The following WWP1 variants were observed in gnomAD, a reference collection of about 807,000 sequenced individuals.
WWP1 encodes the protein WW domain containing E3 ubiquitin protein ligase 1.
Under a neutral mutation model 130.6 loss-of-function variants are expected in WWP1, and 49 were observed. That is an observed-to-expected ratio of 0.38 (90% confidence interval 0.30 to 0.48). The LOEUF (loss-of-function observed/expected upper bound fraction) is 0.48, where lower values mean the gene tolerates loss of function less well. Ranked by LOEUF, WWP1 falls within the 20% of genes least tolerant of loss-of-function variation. The probability of loss-of-function intolerance (pLI) is 0.99; values close to 1 mark genes in which losing one functional copy is unlikely to be tolerated. For synonymous variants in WWP1, 332 were observed against 367.8 expected (o/e 0.90, Z 1.11); for missense variants, 809 against 1,100.6 (o/e 0.74, Z 3.75).
At chr8:86,347,637 A>G (rs953646249) in intron 1 of WWP1, among the ~76,000 whole-genome samples, 3 of 152,210 alleles carry the variant, frequency 2.0e-5, no homozygotes, top group African/African-American at 7.2e-5. Context: ...GTACCACAGA[A>G]TAGTTATTCT....
chr8:86,455,964 T>A (rs1452593411), intron 21 of WWP1, among the ~76,000 whole-genome samples: 1 of 151,950 alleles, frequency 6.6e-6, no homozygotes, highest in Admixed American at 6.6e-5. Context: ...CACACCTACA[T>A]TGTCAATTGA....
intron 21 of WWP1, among the ~76,000 whole-genome samples, chr8:86,455,055 A>G (rs1376871857): frequency 6.6e-6 from 1 of 152,074 alleles, no homozygotes; most frequent in Non-Finnish European, 1.5e-5. Flanking sequence ...ATTATTCACA[A>G]TAATGGCTAT....
intron 17 of WWP1, chr8:86,440,719 G>A (rs753575982): frequency 2.9e-5 from 13 of 454,668 alleles, no homozygotes; most frequent in South Asian, 1.7e-4. Context: ...TTTTCTTCAG[G>A]AACATCAGTC....
chr8:86,461,386 C>A (rs2090713634), intron 23 of WWP1, 66 bp downstream of exon 23: 7 of 1,336,996 alleles, frequency 5.2e-6, no homozygotes, highest in African/African-American at 4.3e-5. Flanking sequence ...TTTGGACATA[C>A]AATAGACTTG....
intron 18 of WWP1, among the ~76,000 whole-genome samples, chr8:86,446,681 T>C (rs1025386991): frequency 4.6e-5 from 7 of 152,160 alleles, no homozygotes; most frequent in Admixed American, 3.3e-4. Flanking sequence ...TTCTTCTGTA[T>C]GAAGAAGCCA....
intron 13 of WWP1, 24 bp from the exon 14 acceptor site, chr8:86,431,591 T>A: frequency 1.2e-6 from 2 of 1,612,862 alleles, no homozygotes; most frequent in African/African-American, 1.3e-5. Flanking sequence ...AGGTTCATCT[T>A]GTGATTTTAA....
intron 1 of WWP1, among the ~76,000 whole-genome samples, chr8:86,345,566 C>T (rs903201079): frequency 6.6e-5 from 10 of 152,024 alleles, no homozygotes; most frequent in Non-Finnish European, 1.2e-4. Context: ...CTTGCCACCA[C>T]ACCCGGCTAA....
chr8:86,375,295 G>A (rs1210676643), intron 3 of WWP1, among the ~76,000 whole-genome samples: 2 of 151,308 alleles, frequency 1.3e-5, no homozygotes, highest in Admixed American at 6.6e-5. Flanking sequence ...TAAGTTCATC[G>A]TTTTCAGTTT....
intron 1 of WWP1, among the ~76,000 whole-genome samples, chr8:86,353,397 T>C (rs1401131820): frequency 2.6e-5 from 4 of 152,182 alleles, no homozygotes; most frequent in Admixed American, 1.3e-4. Context: ...GCTATGTTAG[T>C]AATTTTGTGG....
At chr8:86,457,862 A>G in intron 21 of WWP1, 59 bp from the exon 22 acceptor site, 1 of 1,515,788 alleles carries the variant, frequency 6.6e-7, no homozygotes, top group East Asian at 2.3e-5. Context: ...AATTTCAGTC[A>G]TATAATTATT....
At chr8:86,424,931 TG>T (rs1276343492) in intron 9 of WWP1, among the ~76,000 whole-genome samples, 1 of 151,900 alleles carries the variant, frequency 6.6e-6, no homozygotes, top group Admixed American at 6.6e-5. Context: ...TTTGGAATTC[TG>T]TAAGTAACTT....
In WWP1 at chr8:86,461,588, A is replaced by G. The variant is rs1032397627; in HGVS notation, c.2597-186A>G. On this transcript the variant is annotated intron_variant, in intron 23 of 24. Coordinates refer to ENST00000517970, the MANE Select transcript of WWP1 (RefSeq NM_007013.4). Reference sequence around the variant, plus strand: ...TTCTGTAGAGAGAGTTTTCTTCCCAATGATCTAATTCTTATTGCTGGATCT... The same window carrying G: ...TTCTGTAGAGAGAGTTTTCTTCCCAGTGATCTAATTCTTATTGCTGGATCT... The G allele has an allele frequency of 1.0e-4, 64 of 638,844 alleles. 1 individual carries two copies. The South Asian group carries it at 1.1e-3, about 11-fold the overall frequency. The allele number at this position is 638,844 out of a possible 1,614,324, so 39.6% of individuals were successfully genotyped here.
chr8:86,460,935 G>A (rs894263380), intron 22 of WWP1, among the ~76,000 whole-genome samples: 4 of 150,520 alleles, frequency 2.7e-5, no homozygotes, highest in Admixed American at 6.6e-5. Context: ...TCAGCCTCTC[G>A]AGTAGCTGGG....
At chr8:86,439,571 T>C (rs535156029) in intron 17 of WWP1, among the ~76,000 whole-genome samples, 1 of 152,314 alleles carries the variant, frequency 6.6e-6, no homozygotes, top group East Asian at 1.9e-4. Flanking sequence ...TTAGCATGCA[T>C]ACATTCTTAT....
At chr8:86,407,902 T>C (rs1000000027) in intron 8 of WWP1, among the ~76,000 whole-genome samples, 1 of 152,218 alleles carries the variant, frequency 6.6e-6, no homozygotes, top group African/African-American at 2.4e-5. Context: ...TGTTATTAAC[T>C]AAAGTCCATA....
chr8:86,371,040 ATTTTTTTT>A (rs34031275), intron 2 of WWP1, among the ~76,000 whole-genome samples: 5 of 96,930 alleles, frequency 5.2e-5, no homozygotes. Context: ...TAATTTTTGT[ATTTTTTTT>A]TTTTTTTTTG....
chr8:86,430,798 C>CATATATATATATATATATATAT (rs36226595), intron 12 of WWP1, 47 bp downstream of exon 12: 2 of 169,652 alleles, frequency 1.2e-5, no homozygotes, highest in African/African-American at 2.9e-5. Flanking sequence ...TATATCTCTC[C>CATATATATATATATATATATAT]ATATATATAT....
intron 9 of WWP1, 56 bp downstream of exon 9, chr8:86,411,930 A>G: frequency 6.9e-7 from 1 of 1,441,052 alleles, no homozygotes; most frequent in South Asian, 1.3e-5. Context: ...CTGTTAACAT[A>G]CGATTATTGA....
intron 16 of WWP1, among the ~76,000 whole-genome samples, chr8:86,438,000 C>T (rs566708657): frequency 1.3e-5 from 2 of 152,232 alleles, no homozygotes; most frequent in East Asian, 3.9e-4. Context: ...CGGGGTTTCA[C>T]CATGTTAGCC....
Sources: gnomAD v4.1 joint callset for allele counts (sites outside exome capture counted in the v4.1 genomes callset) on GRCh38, gnomAD v4.1.1 for gene constraint, MANE v1.5 for transcripts, NCBI Gene and HGNC (gene_info 2026-07-23, HGNC 2026-07-21) for gene names.